The following REG1B variants were observed in gnomAD, a reference collection of about 807,000 sequenced individuals.
The protein encoded by REG1B is regenerating family member 1 beta.
A neutral mutation model predicts 20.4 loss-of-function variants in REG1B; 21 were observed. The ratio of observed to expected loss-of-function variants is 1.03; its 90% CI spans 0.73 to 1.48. REG1B has a LOEUF of 1.48. Ranked by LOEUF, REG1B falls within the 40% of genes most tolerant of loss-of-function variation. REG1B has a pLI of 0.00. For synonymous variants in REG1B, 82 were observed against 73.4 expected, an observed-to-expected ratio of 1.12 and a Z score of -0.60; for missense variants, 247 against 197.2, an observed-to-expected ratio of 1.25 and a Z score of -1.51.
intron 2 of REG1B, 68 bp downstream of exon 2, chr2:79,087,481 C>T (rs557526871): frequency 3.3e-6 from 5 of 1,509,602 alleles, no homozygotes; most frequent in African/African-American, 2.8e-5. Context: ...TTCAAGTGAA[C>T]CTTATACATG....
In REG1B at chr2:79,087,538, G is replaced by A. The variant is rs79463000; in HGVS notation, c.64+11C>T. 3.1e-6 allele frequency: 5 copies of A among 1,613,442 alleles called. No individual in the cohort carries two copies. The East Asian group carries it at 6.7e-5, about 22-fold the overall frequency. ...AGTTGGGGTTGTGGGAAGTGTGGGG[G>A]AAAATCTCACCTTGGCTCAGAGACA... On this transcript the variant is annotated intron_variant, in intron 2 of 5. Coordinates refer to ENST00000305089, the MANE Select transcript of REG1B (RefSeq NM_006507.4).
rs1672384888 is a variant in REG1B at position 79,085,515 on chromosome 2, C to T, written c.410G>A (p.Cys137Tyr). Residue 137 changes from cysteine (C) to tyrosine (Y), a missense_variant, in exon 5 of 6, where the codon TGT becomes TAT. Physicochemically the swap from Cys to Tyr is radical, Grantham distance 194 (BLOSUM62 -2). Transcript: ENST00000305089. The stretch of plus-strand genomic sequence containing the variant: ...ACCTGAGCATGAAGTCAGGCTTGCA[C>T]AGTAGCCAGCATTAGCACTGCTCGG... ...GSPSSANAGY[C>Y]ASLTSCSGFK... is the part of the protein sequence containing the mutation. 3 of 1,613,520 alleles carry T rather than the reference C, an allele frequency of 1.9e-6. No individual in the cohort carries two copies.
chr2:79,087,653 C>G lies in REG1B; in HGVS notation c.-41G>C, dbSNP rs780648821. On this transcript the variant is annotated 5_prime_UTR_variant, in exon 2 of 6. Transcript: ENST00000305089. ...ATCTCTTGCTTAAGGAGCAAATCAG[C>G]AATCTCTGTAGGAGAACACAGGGAA... The G allele has an allele frequency of 6.2e-7, 1 of 1,600,868 alleles. No homozygotes were observed. The highest frequency in any genetic ancestry group is 1.3e-5 in the African/African-American group (1 of 74,656).
intron 4 of REG1B, 99 bp downstream of exon 4, chr2:79,086,268 A>G (rs1672397189): frequency 1.5e-6 from 2 of 1,306,604 alleles, no homozygotes; most frequent in South Asian, 1.4e-5. Context: ...ATTTAAACAA[A>G]CAAAAAGATA....
At chr2:79,085,932 TTGATATATTA>T (rs1251205624) in intron 4 of REG1B, 6 of 262,508 alleles carry the variant, frequency 2.3e-5, no homozygotes, top group Admixed American at 5.0e-5. Flanking sequence ...AGAGTAGTCG[TTGATATATTA>T]TTTAGTTTAT....
intron 1 of REG1B, 86 bp from the exon 2 acceptor site, chr2:79,087,744 G>A: frequency 2.3e-6 from 2 of 877,364 alleles, no homozygotes; most frequent in Non-Finnish European, 3.4e-6. Context: ...CTGAATTCCT[G>A]TGAGCCGAAA....
In REG1B at chr2:79,085,575, G is replaced by A; in HGVS notation, c.350C>T (p.Ser117Phe). 7 of 1,613,534 alleles carry A rather than the reference G, an allele frequency of 4.3e-6. No individual in the cohort carries two copies. The highest frequency in any genetic ancestry group is 5.9e-6 in the Non-Finnish European group (7 of 1,179,742). ...KNRRWHWSSG[S>F]LVSYKSWDTG... ...GTCCCAGGACTTGTAGGAGACCAGG[G>A]ACCCACTACTCCAGTGCCAGCGGCG... is the stretch of plus-strand genomic sequence containing the variant. The change falls in exon 5 of 6, where the codon TCC (serine) becomes TTC (phenylalanine). Residue 117 changes from serine to phenylalanine, a missense_variant. Coordinates refer to ENST00000305089, the MANE Select transcript of REG1B (RefSeq NM_006507.4).
intron 1 of REG1B, 58 bp from the exon 2 acceptor site, chr2:79,087,716 T>C (rs1042360996): frequency 1.9e-5 from 19 of 1,016,478 alleles, no homozygotes; most frequent in Non-Finnish European, 2.5e-5. Flanking sequence ...CTGTTATCTT[T>C]CTAACATCCT....
At position 79,085,538 on chromosome 2, in the gene REG1B, C is replaced by A. The variant is rs749139768; in HGVS notation, c.387G>T (p.Pro129=). The A allele has an allele frequency of 1.2e-6, 2 of 1,613,798 alleles. No homozygotes were observed. The highest frequency in any genetic ancestry group is 1.7e-6 in the Non-Finnish European group (2 of 1,179,866). ...CACAGTAGCCAGCATTAGCACTGCT[C>A]GGGGATCCAGTGTCCCAGGACTTGT... ...VSYKSWDTGS[P]SSANAGYCAS... Residue 129 remains proline (P), a synonymous_variant, in exon 5 of 6, where the codon CCG becomes CCT. Transcript: ENST00000305089.
At chr2:79,085,406 C>T (rs1672382940) in intron 5 of REG1B, 86 bp downstream of exon 5, 1 of 1,375,356 alleles carries the variant, frequency 7.3e-7, no homozygotes, top group Non-Finnish European at 1.0e-6. Flanking sequence ...AGGAGCTTAC[C>T]TTTCCTCTAT....
chr2:79,087,609 C>G lies in REG1B; in HGVS notation c.4G>C (p.Ala2Pro). The G allele has an allele frequency of 2.5e-6, 4 of 1,612,926 alleles. No homozygotes were observed. Among genetic ancestry groups the G allele is most frequent in the Non-Finnish European group, 3.4e-6 (4 of 1,179,102 alleles). ...AGCATGAAGAACGAGTTGGTCTGAG[C>G]CATGCTTAGCGGCAGTGAATCTCTT... is the stretch of plus-strand genomic sequence containing the variant. Reference protein sequence around the residue: MAQTNSFFMLIS... With the variant: MPQTNSFFMLIS... The change falls in exon 2 of 6, where the codon GCT (alanine) becomes CCT (proline). Residue 2 changes from alanine (A) to proline (P), a missense_variant. Physicochemically the swap from Ala to Pro is conservative, Grantham distance 27 (BLOSUM62 -1). Coordinates refer to ENST00000305089, the MANE Select transcript of REG1B (RefSeq NM_006507.4).
At chr2:79,087,727 C>T in intron 1 of REG1B, 69 bp from the exon 2 acceptor site, 1 of 944,434 alleles carries the variant, frequency 1.1e-6, no homozygotes. Context: ...CTAACATCCT[C>T]TCCTCTCTGA....
chr2:79,087,524 T>C, intron 2 of REG1B, 25 bp downstream of exon 2: 5 of 1,611,916 alleles, frequency 3.1e-6, no homozygotes, highest in Non-Finnish European at 4.2e-6. Flanking sequence ...GTTGGGGTTG[T>C]GGGAAGTGTG....
At chr2:79,085,352 T>A in intron 5 of REG1B, 69 bp from the exon 6 acceptor site, 1 of 1,403,934 alleles carries the variant, frequency 7.1e-7, no homozygotes, top group Non-Finnish European at 1.0e-6. Flanking sequence ...AACCTAGGAC[T>A]CAGAACAAAA....
Position 79,085,484 on chromosome 2 carries a change from C to T in REG1B, c.433+8G>A. ...TGGCAACAGGTGGATAGATTGTCTG[C>T]CTCTCACCTGAGCATGAAGTCAGGC... On this transcript the variant is annotated splice_region_variant and intron_variant, in intron 5 of 5. Transcript: ENST00000305089. 6.2e-7 allele frequency: 1 copy of T among 1,605,170 alleles called. No individual in the cohort carries two copies. The highest frequency in any genetic ancestry group is 8.5e-7 in the Non-Finnish European group (1 of 1,171,966).
At position 79,085,058 on chromosome 2, in the gene REG1B, G is replaced by A. The variant is rs1184987523; in HGVS notation, c.*158C>T. On this transcript the variant is annotated 3_prime_UTR_variant, in exon 6 of 6. Coordinates refer to ENST00000305089, the MANE Select transcript of REG1B (RefSeq NM_006507.4). ...AAATAAGTTTGTTTTTATTTTTCAG[G>A]GCTCTAGAGACTGAGACAGGTGAAG... is the stretch of plus-strand genomic sequence containing the variant. The A allele has an allele frequency of 4.8e-6, 3 of 624,800 alleles. No homozygotes were observed. Among genetic ancestry groups the A allele is most frequent in the Non-Finnish European group, 8.7e-6 (3 of 345,870 alleles). The allele number at this position is 624,800 out of a possible 1,614,324, so 38.7% of individuals were successfully genotyped here.
Position 79,085,044 on chromosome 2 carries a change from T to A in REG1B, c.*172A>T. 1.7e-6 allele frequency: 1 copy of A among 602,722 alleles called. No individual in the cohort carries two copies. Among genetic ancestry groups the A allele is most frequent in the South Asian group, 2.1e-5 (1 of 47,918 alleles). The allele number at this position is 602,722 out of a possible 1,614,324, so 37.3% of individuals were successfully genotyped here. On this transcript the variant is annotated 3_prime_UTR_variant, in exon 6 of 6. Coordinates refer to ENST00000305089, the MANE Select transcript of REG1B (RefSeq NM_006507.4). ...AGAACACTGGATAAAAATAAGTTTG[T>A]TTTTATTTTTCAGGGCTCTAGAGAC... is the stretch of plus-strand genomic sequence containing the variant.
chr2:79,085,544 T>C lies in REG1B; in HGVS notation c.381A>G (p.Gly127=), dbSNP rs771205141. The C allele has an allele frequency of 6.2e-7, 1 of 1,613,818 alleles. No homozygotes were observed. Among genetic ancestry groups the C allele is most frequent in the Admixed American group, 1.7e-5 (1 of 59,962 alleles). ...AGCCAGCATTAGCACTGCTCGGGGA[T>C]CCAGTGTCCCAGGACTTGTAGGAGA... ...SLVSYKSWDT[G]SPSSANAGYC... is the part of the protein sequence containing the mutation. Residue 127 remains glycine (G), a synonymous_variant, in exon 5 of 6, where the codon GGA becomes GGG. Coordinates refer to ENST00000305089, the MANE Select transcript of REG1B (RefSeq NM_006507.4).
chr2:79,085,578 C>T lies in REG1B; in HGVS notation c.347G>A (p.Gly116Glu), dbSNP rs201944648. The T allele has an allele frequency of 2.5e-5, 41 of 1,613,074 alleles. No homozygotes were observed. The highest frequency in any genetic ancestry group is 3.5e-5 in the Non-Finnish European group (41 of 1,179,636). The change falls in exon 5 of 6, where the codon GGG becomes GAG. Residue 116 changes from glycine (G) to glutamate (E), a missense_variant. Gly to Glu is a moderately conservative substitution (Grantham distance 98). Coordinates refer to ENST00000305089, the MANE Select transcript of REG1B (RefSeq NM_006507.4). ...KKNRRWHWSS[G>E]SLVSYKSWDT... ...CCAGGACTTGTAGGAGACCAGGGACCCACTACTCCAGTGCCAGCGGCGGTT... is the reference window on the plus strand; with the variant it reads ...CCAGGACTTGTAGGAGACCAGGGACTCACTACTCCAGTGCCAGCGGCGGTT...
Sources: gnomAD v4.1 joint callset for allele counts on GRCh38, gnomAD v4.1.1 for gene constraint, MANE v1.5 for transcripts, NCBI Gene and HGNC (gene_info 2026-07-23, HGNC 2026-07-21) for gene names.